Variants in COL5A1 observed in about 807,000 individuals in gnomAD.
COL5A1 encodes the protein collagen type V alpha 1 chain.
A neutral mutation model predicts 263.7 loss-of-function variants in COL5A1; 16 were observed. That is an observed-to-expected ratio of 0.06 (90% CI 0.04 to 0.09). The LOEUF is 0.09. Among genes scored for constraint, COL5A1 ranks in the 10% least tolerant of loss-of-function variants. The pLI is 1.00. For missense variants in COL5A1, 2,036 were observed against 2,540.5 expected (o/e 0.80, Z 4.27); for synonymous variants, 1,012 against 1,004.5 (o/e 1.01, Z -0.14).
rs1839438020 is a variant in COL5A1 at position 134,828,835 on chromosome 9, A to T, written c.5068-1141A>T. Among the ~76,000 whole-genome samples, 3 of 151,524 alleles carry T rather than the reference A, an allele frequency of 2.0e-5. No individual in the cohort carries two copies. In the East Asian group the frequency reaches 5.9e-4, roughly 30 times the overall value. On this transcript the variant is annotated intron_variant, in intron 63 of 65. Coordinates refer to ENST00000371817, the MANE Select transcript of COL5A1 (RefSeq NM_000093.5). ...ACCACACACACACACCACACATCAC[A>T]CAGATACACCCATAACACACTACAC...
intron 60 of COL5A1, among the ~76,000 whole-genome samples, 172 bp downstream of exon 60, chr9:134,823,205 C>T (rs532716835): frequency 1.5e-3 from 223 of 152,332 alleles, no homozygotes; most frequent in Non-Finnish European, 2.7e-3. Flanking sequence ...GTGGGCTGCT[C>T]GCCGCCTGCC....
At chr9:134,838,473 C>A (rs1471364621) in intron 65 of COL5A1, among the ~76,000 whole-genome samples, 1 of 152,234 alleles carries the variant, frequency 6.6e-6, no homozygotes, top group African/African-American at 2.4e-5. Context: ...AGCCGAGAAC[C>A]AAGTGCAGCT....
At chr9:134,823,268 CA>C in intron 60 of COL5A1, 147 bp from the exon 61 acceptor site, 1 of 1,030,950 alleles carries the variant, frequency 9.7e-7, no homozygotes, top group South Asian at 1.3e-5. Flanking sequence ...CAGGAGGGTA[CA>C]GGGGTCTCTG....
intron 13 of COL5A1, 42 bp from the exon 14 acceptor site, chr9:134,752,547 C>G (rs988520151): frequency 1.4e-5 from 22 of 1,537,930 alleles, no homozygotes; most frequent in Middle Eastern, 1.7e-4. Flanking sequence ...CGGAGCACTG[C>G]TGCTGGGGCC....
intron 1 of COL5A1, among the ~76,000 whole-genome samples, chr9:134,667,424 GCT>G (rs1832393580): frequency 6.6e-6 from 1 of 152,168 alleles, no homozygotes; most frequent in Non-Finnish European, 1.5e-5. Flanking sequence ...AGTGGGATGG[GCT>G]CTGTTTGGTC....
chr9:134,798,268 C>T, intron 36 of COL5A1, 140 bp from the exon 37 acceptor site: 2 of 788,642 alleles, frequency 2.5e-6, no homozygotes, highest in Non-Finnish European at 4.4e-6. Context: ...GTCCCCGTGC[C>T]TGCCAGGTGA....
At chr9:134,839,254 A>C (rs1839944502) in intron 65 of COL5A1, among the ~76,000 whole-genome samples, 1 of 152,256 alleles carries the variant, frequency 6.6e-6, no homozygotes, top group African/African-American at 2.4e-5. Context: ...GTGTTTGTGC[A>C]GCTTTCGGCG....
chr9:134,808,648 A>G (rs1838391207), intron 42 of COL5A1, among the ~76,000 whole-genome samples: 1 of 152,202 alleles, frequency 6.6e-6, no homozygotes, highest in South Asian at 2.1e-4. Flanking sequence ...ATGCATGCAT[A>G]CCTGTGTACA....
chr9:134,831,182 C>T (rs1480762308), intron 64 of COL5A1, among the ~76,000 whole-genome samples: 2 of 152,210 alleles, frequency 1.3e-5, no homozygotes, highest in Admixed American at 6.5e-5. Flanking sequence ...AGAGCACTGG[C>T]CCTGAGCCGC....
rs1457955225 is a variant in COL5A1, at chr9:134,824,712, A to G, written c.4811A>G (p.Tyr1604Cys). The change falls in exon 62 of 66, where the codon TAC becomes TGC. Residue 1604 changes from tyrosine to cysteine, a missense_variant. Physicochemically the swap from Tyr to Cys is radical, Grantham distance 194 (BLOSUM62 -2). Around this residue, in one of 3 missense-constraint regions of COL5A1, gnomAD observed 358 missense variants for 384.6 expected, o/e 0.93. Coordinates refer to ENST00000371817, the MANE Select transcript of COL5A1 (RefSeq NM_000093.5). The part of the protein sequence containing the change: ...DDGNGENYVD[Y>C]ADGMEEIFGS... ...GGGAATGGCGAGAACTACGTGGACT[A>G]CGCGGACGGCATGGAAGAGATCTTC... 1.9e-6 allele frequency: 3 copies of G among 1,614,076 alleles called. No homozygotes were observed. The highest frequency in any genetic ancestry group is 2.2e-5 in the East Asian group (1 of 44,884).
intron 9 of COL5A1, among the ~76,000 whole-genome samples, chr9:134,732,903 G>T (rs1834949863): frequency 6.6e-6 from 1 of 152,198 alleles, no homozygotes; most frequent in Non-Finnish European, 1.5e-5. Context: ...AGCCACTAAG[G>T]TCTTGATGCC....
intron 4 of COL5A1, among the ~76,000 whole-genome samples, chr9:134,725,121 C>T (rs141897716): frequency 2.6e-5 from 4 of 152,170 alleles, no homozygotes; most frequent in African/African-American, 7.2e-5. Flanking sequence ...GAGACGCCAC[C>T]GTCTCCAGGA....
intron 37 of COL5A1, among the ~76,000 whole-genome samples, chr9:134,799,155 A>G (rs909302486): frequency 3.9e-5 from 6 of 152,242 alleles, no homozygotes; most frequent in African/African-American, 1.2e-4. Flanking sequence ...TTAGAAATGC[A>G]TATCACAGGC....
intron 4 of COL5A1, among the ~76,000 whole-genome samples, chr9:134,713,829 C>G (rs1195821676): frequency 1.3e-5 from 2 of 152,096 alleles, no homozygotes; most frequent in East Asian, 3.9e-4. Context: ...GGGTCTGAAC[C>G]CGGGACAGAG....
At chr9:134,685,417 T>C (rs1367911253) in intron 1 of COL5A1, among the ~76,000 whole-genome samples, 3 of 4,570 alleles carry the variant, frequency 6.6e-4, no homozygotes, top group Admixed American at 1.7e-3. Flanking sequence ...CATTAATTCA[T>C]CCATCCATCC....
chr9:134,806,666 C>T (rs1838308849), intron 42 of COL5A1, among the ~76,000 whole-genome samples: 1 of 152,224 alleles, frequency 6.6e-6, no homozygotes, highest in African/African-American at 2.4e-5. Flanking sequence ...TCCGTCCAGC[C>T]TCAGTGCCAC....
intron 32 of COL5A1, among the ~76,000 whole-genome samples, chr9:134,792,760 TGTGTGTGTGTGC>T (rs879838780): frequency 0.037 from 2,358 of 63,272 alleles, 59 homozygotes; most frequent in African/African-American, 0.17. Context: ...CATGCGTGCA[TGTGTGTGTGTGC>T]GTGTGTGTAC....
intron 2 of COL5A1, among the ~76,000 whole-genome samples, chr9:134,694,975 T>C (rs577774456): frequency 3.9e-5 from 6 of 152,200 alleles, no homozygotes; most frequent in African/African-American, 1.4e-4. Flanking sequence ...GCACTGCTTG[T>C]TTGTAATGAC....
chr9:134,778,678 C>G (rs988356590), intron 27 of COL5A1, among the ~76,000 whole-genome samples: 1 of 152,246 alleles, frequency 6.6e-6, no homozygotes, highest in Non-Finnish European at 1.5e-5. Flanking sequence ...TGCCTCCGCC[C>G]TGTGCTGGGC....
Sources: gnomAD v4.1 joint callset for allele counts (sites outside exome capture counted in the v4.1 genomes callset) on GRCh38, gnomAD v4.1.1 for gene constraint, gnomAD v4.1.1 regional missense constraint, MANE v1.5 for transcripts, NCBI Gene and HGNC (gene_info 2026-07-23, HGNC 2026-07-21) for gene names.